UNC13B: variants seen among roughly 807,000 people sequenced by gnomAD.
UNC13B encodes protein unc-13 homolog B.
A neutral mutation model predicts 211.0 loss-of-function variants in UNC13B; 144 were observed. That is an observed-to-expected ratio of 0.68 (90% CI 0.60 to 0.78). UNC13B has a LOEUF of 0.78. Ranked by LOEUF, UNC13B falls within the 30% of genes least tolerant of loss-of-function variation. The pLI, the probability that UNC13B is intolerant of heterozygous loss-of-function variation, is 0.00. For synonymous variants in UNC13B, 709 were observed against 725.8 expected, an observed-to-expected ratio of 0.98 and a Z score of 0.37; for missense variants, 1,777 against 2,002.0, an observed-to-expected ratio of 0.89 and a Z score of 2.14.
At chr9:35,214,484 A>G (rs1328563206) in intron 1 of UNC13B, among the ~76,000 whole-genome samples, 2 of 152,130 alleles carry the variant, frequency 1.3e-5, no homozygotes, top group East Asian at 3.8e-4. Flanking sequence ...AACTAGGTAT[A>G]TTTGAAAAAG....
chr9:35,265,331 C>T (rs774307781), intron 7 of UNC13B, among the ~76,000 whole-genome samples: 7 of 152,212 alleles, frequency 4.6e-5, no homozygotes, highest in African/African-American at 7.2e-5. Context: ...CCAGAGCTTG[C>T]TCTCTCCACC....
chr9:35,360,952 T>A (rs887627457), intron 11 of UNC13B: 41 of 152,392 alleles, frequency 2.7e-4, no homozygotes, highest in African/African-American at 9.6e-4. Flanking sequence ...GTGTTGGGAT[T>A]ATAGGCATGA....
chr9:35,184,083 G>A (rs1479878295), intron 1 of UNC13B, among the ~76,000 whole-genome samples: 5 of 147,550 alleles, frequency 3.4e-5, no homozygotes, highest in South Asian at 2.2e-4. Flanking sequence ...ATGGGCGGCC[G>A]AGCAGAGGCA....
intron 7 of UNC13B, among the ~76,000 whole-genome samples, chr9:35,288,669 A>G (rs1828924214): frequency 1.3e-5 from 2 of 152,242 alleles, no homozygotes; most frequent in African/African-American, 2.4e-5. Context: ...CTGGCTTGTC[A>G]GAGAACATGA....
At chr9:35,221,976 G>T (rs1271547309) in intron 1 of UNC13B, among the ~76,000 whole-genome samples, 2 of 152,164 alleles carry the variant, frequency 1.3e-5, no homozygotes, top group East Asian at 3.9e-4. Context: ...ATATGTGTGT[G>T]GGTCTGTTTC....
intron 11 of UNC13B, among the ~76,000 whole-genome samples, chr9:35,326,489 A>G (rs1273590850): frequency 6.6e-6 from 1 of 152,198 alleles, no homozygotes; most frequent in South Asian, 2.1e-4. Context: ...GGGCTCAAGC[A>G]GTCCTTCTAC....
intron 1 of UNC13B, among the ~76,000 whole-genome samples, chr9:35,222,660 G>A (rs1006440143): frequency 6.6e-6 from 1 of 152,130 alleles, no homozygotes; most frequent in Non-Finnish European, 1.5e-5. Flanking sequence ...TCAACCCAGG[G>A]TATTTAGGAT....
At chr9:35,342,662 C>T (rs1832078089) in intron 11 of UNC13B, among the ~76,000 whole-genome samples, 1 of 152,110 alleles carries the variant, frequency 6.6e-6, no homozygotes, top group South Asian at 2.1e-4. Context: ...TTTCATGTGT[C>T]CATATGTGTT....
In UNC13B at chr9:35,402,000, G is replaced by A. The variant is rs575550747; in HGVS notation, c.12485-1167G>A. On this transcript the variant is annotated intron_variant, in intron 37 of 39. Transcript: ENST00000635942. The stretch of plus-strand genomic sequence containing the variant: ...TTACTGCTAATGAGGACATTCGTCC[G>A]GAAAAGGGTATGTTGTACACCGTGC... 4.2e-5 allele frequency: 65 copies of A among 1,550,582 alleles called. 1 individual carries two copies. Among genetic ancestry groups the A allele is most frequent in the Admixed American group, 1.2e-4 (6 of 50,992 alleles).
chr9:35,362,223 T>C (rs181162001), intron 11 of UNC13B, among the ~76,000 whole-genome samples: 61 of 152,208 alleles, frequency 4.0e-4, no homozygotes, highest in Admixed American at 2.0e-4. Context: ...AGGTAAAAAG[T>C]ACAGGGCTGA....
intron 11 of UNC13B, among the ~76,000 whole-genome samples, chr9:35,347,847 C>T (rs1373402744): frequency 6.6e-6 from 1 of 152,176 alleles, no homozygotes; most frequent in Non-Finnish European, 1.5e-5. Context: ...AACCCAGTGG[C>T]TATGCCATTT....
Position 35,400,348 on chromosome 9 carries a change from G to A in UNC13B, c.12389G>A (p.Ser4130Asn). The change falls in exon 37 of 40, where the codon AGC becomes AAC. Residue 4130 changes from serine to asparagine, a missense_variant. Physicochemically the swap from Ser to Asn is conservative, Grantham distance 46. Transcript: ENST00000635942. ...CTGAAGAAAACCTTCCTGGAGAAGA[G>A]CCCAGATCTGCAGTCTCTACGCTAT... ...NGLKKTFLEK[S>N]PDLQSLRYAL... 1 of 1,614,172 alleles carries A rather than the reference G, an allele frequency of 6.2e-7. No homozygotes were observed. The highest frequency in any genetic ancestry group is 8.5e-7 in the Non-Finnish European group (1 of 1,180,012).
chr9:35,162,736 C>A (rs947557906), intron 1 of UNC13B, among the ~76,000 whole-genome samples: 7 of 152,180 alleles, frequency 4.6e-5, no homozygotes, highest in Non-Finnish European at 1.0e-4. Flanking sequence ...GTTAGTGGTA[C>A]AGCTGTCACA....
intron 6 of UNC13B, among the ~76,000 whole-genome samples, chr9:35,254,911 ATAATATAC>A: frequency 1.2e-5 from 1 of 85,290 alleles, no homozygotes; most frequent in Non-Finnish European, 2.5e-5. Flanking sequence ...TATATAATAT[ATAATATAC>A]ATATATAATA....
intron 11 of UNC13B, among the ~76,000 whole-genome samples, chr9:35,328,842 A>T (rs1257445185): frequency 6.7e-6 from 1 of 149,660 alleles, no homozygotes; most frequent in Non-Finnish European, 1.5e-5. Flanking sequence ...ATCTCTGCTC[A>T]CTGCAAGCTC....
Position 35,231,114 on chromosome 9 carries a change from T to C in UNC13B, c.53-6T>C. ...TATTATGTCTCCATTTTGTATTTTT[T>C]CAAAGATAAATTTAACACATATGTG... On this transcript the variant is annotated splice_polypyrimidine_tract_variant and splice_region_variant and intron_variant, in intron 2 of 39. Transcript: ENST00000635942. 1 of 1,598,680 alleles carries C rather than the reference T, an allele frequency of 6.3e-7. No individual in the cohort carries two copies. The highest frequency in any genetic ancestry group is 2.2e-5 in the East Asian group (1 of 44,734).
Position 35,302,469 on chromosome 9 carries a change from C to T in UNC13B, c.3065C>T (p.Thr1022Ile). Reference protein sequence around the residue: ...TQDNLGKFDSTEEFNQNDQIN... With the variant: ...TQDNLGKFDSIEEFNQNDQIN... The stretch of plus-strand genomic sequence containing the variant: ...GATAATCTAGGGAAATTTGACAGTA[C>T]AGAGGAATTTAATCAGAATGACCAA... The change falls in exon 9 of 40, where the codon ACA (threonine) becomes ATA (isoleucine). Residue 1022 changes from threonine to isoleucine, a missense_variant. By Grantham distance (89) the Thr-to-Ile change is moderately conservative. Transcript: ENST00000635942. The T allele has an allele frequency of 2.5e-6, 1 of 398,516 alleles. No homozygotes were observed. The highest frequency in any genetic ancestry group is 4.4e-6 in the Non-Finnish European group (1 of 225,756). The allele number at this position is 398,516 out of a possible 1,614,324, so 24.7% of individuals were successfully genotyped here. A position where few individuals can be genotyped will look rare whatever the true frequency, so the allele number is the denominator to read the frequency against.
intron 7 of UNC13B, among the ~76,000 whole-genome samples, chr9:35,281,618 C>G (rs899297282): frequency 6.6e-6 from 1 of 152,192 alleles, no homozygotes; most frequent in African/African-American, 2.4e-5. Context: ...CAAACAAAGT[C>G]TGTAGTTTAC....
rs144266968 is a variant in UNC13B at position 35,264,807 on chromosome 9, G to A, written c.526+5757G>A. On this transcript the variant is annotated intron_variant, in intron 7 of 39. Coordinates refer to ENST00000635942, the MANE Select transcript of UNC13B (RefSeq NM_001371189.2). The stretch of plus-strand genomic sequence containing the variant: ...ATTATTCTTGAGTCTTAGATCTAAT[G>A]GAATTCACCTTGGTAGGCTTTGGAC... Among the ~76,000 whole-genome samples, 25 of 152,254 alleles carry A rather than the reference G, an allele frequency of 1.6e-4. No homozygotes were observed. The East Asian group carries it at 4.6e-3, about 28-fold the overall frequency.
Sources: allele counts gnomAD v4.1 joint callset (sites outside exome capture counted in the v4.1 genomes callset), GRCh38; gene constraint gnomAD v4.1.1; transcripts MANE v1.5; gene names NCBI Gene and HGNC (gene_info 2026-07-23, HGNC 2026-07-21).